Variants in ZNF169 observed in about 807,000 individuals in gnomAD.
ZNF169 encodes zinc finger protein 169.
A neutral mutation model predicts 12.0 loss-of-function variants in ZNF169; 11 were observed. That is an observed-to-expected ratio of 0.92 (90% CI 0.58 to 1.52). ZNF169 has a LOEUF of 1.52. ZNF169 is among the 40% of genes most tolerant of loss of function. The probability of loss-of-function intolerance (pLI) is 0.00; values close to 1 mark genes in which losing one functional copy is unlikely to be tolerated. For synonymous variants in ZNF169, 302 were observed against 286.5 expected (o/e 1.05, Z -0.55); for missense variants, 722 against 744.0 (o/e 0.97, Z 0.34).
intron 1 of ZNF169, among the ~76,000 whole-genome samples, chr9:94,265,579 CAA>C (rs58394124): frequency 5.1e-4 from 63 of 123,676 alleles, no homozygotes; most frequent in Admixed American, 6.4e-4. Flanking sequence ...GACTCTGTCT[CAA>C]AAAAAAAAAA....
intron 1 of ZNF169, among the ~76,000 whole-genome samples, chr9:94,270,718 AAT>A (rs1301930474): frequency 2.9e-5 from 1 of 34,070 alleles, no homozygotes; most frequent in African/African-American, 6.3e-5. Flanking sequence ...TATAATATAT[AAT>A]ATTATATATT....
chr9:94,288,361 C>T, intron 2 of ZNF169: 1 of 1,165,988 alleles, frequency 8.6e-7, no homozygotes. Flanking sequence ...ATATTCAGTC[C>T]ATCTGTACTT....
At chr9:94,296,317 T>TC (rs1477287747) in intron 4 of ZNF169, among the ~76,000 whole-genome samples, 1 of 152,216 alleles carries the variant, frequency 6.6e-6, no homozygotes, top group African/African-American at 2.4e-5. Flanking sequence ...TTCTGTGGTT[T>TC]ACTTTCTATA....
At chr9:94,282,529 C>T (rs1043733407) in intron 2 of ZNF169, among the ~76,000 whole-genome samples, 7 of 152,138 alleles carry the variant, frequency 4.6e-5, no homozygotes, top group African/African-American at 1.4e-4. Context: ...TTCTGATTAG[C>T]CTCTCCAAAG....
intron 3 of ZNF169, 167 bp downstream of exon 3, chr9:94,292,634 T>TGC (rs1830867102): frequency 1.2e-6 from 1 of 839,022 alleles, no homozygotes; most frequent in Non-Finnish European, 1.8e-6. Flanking sequence ...TGTGTGTGTG[T>TGC]GTGTGTGCGC....
chr9:94,293,223 ACT>A, intron 4 of ZNF169, 154 bp downstream of exon 4: 1 of 701,384 alleles, frequency 1.4e-6, no homozygotes, highest in Admixed American at 2.2e-5. Flanking sequence ...TGCCTTCCAC[ACT>A]GTGTGCCTCC....
At chr9:94,299,550 C>T (rs762788410) in intron 4 of ZNF169, 54 of 1,335,918 alleles carry the variant, frequency 4.0e-5, no homozygotes, top group South Asian at 7.1e-5. Context: ...AAGGGAGCGG[C>T]GCCCAAGAAA....
At chr9:94,278,404 G>A (rs998081334) in intron 1 of ZNF169, among the ~76,000 whole-genome samples, 21 of 152,154 alleles carry the variant, frequency 1.4e-4, no homozygotes, top group African/African-American at 4.6e-4. Context: ...AGTAAATATG[G>A]ATGGGATGCT....
intron 3 of ZNF169, 140 bp downstream of exon 3, chr9:94,292,607 TTGTG>T (rs138361295): frequency 0.031 from 20,837 of 674,984 alleles, 123 homozygotes; most frequent in African/African-American, 0.051. Flanking sequence ...CACAGTGCAG[TTGTG>T]TGTGTGTGTG....
chr9:94,270,762 T>TTATATA (rs1830386379), intron 1 of ZNF169, among the ~76,000 whole-genome samples: 1 of 50,854 alleles, frequency 2.0e-5, no homozygotes, highest in Non-Finnish European at 4.7e-5. Flanking sequence ...AATATATAAA[T>TTATATA]ATATATGTTA....
intron 1 of ZNF169, among the ~76,000 whole-genome samples, chr9:94,275,600 C>G (rs548401499): frequency 2.0e-5 from 3 of 152,138 alleles, no homozygotes; most frequent in Non-Finnish European, 4.4e-5. Context: ...GTCTATTTCT[C>G]TTTCTCCTAT....
intron 2 of ZNF169, among the ~76,000 whole-genome samples, chr9:94,290,901 A>T (rs543750122): frequency 6.6e-6 from 1 of 152,078 alleles, no homozygotes; most frequent in Non-Finnish European, 1.5e-5. Context: ...GAAAGTTTCC[A>T]ATTTCTCCAT....
At chr9:94,294,839 C>T (rs1191985236) in intron 4 of ZNF169, 1 of 152,110 alleles carries the variant, frequency 6.6e-6, no homozygotes, top group Non-Finnish European at 1.5e-5. Context: ...ACATTTAGGT[C>T]TTTAACTGGA....
Position 94,292,957 on chromosome 9 carries a change from T to C in ZNF169, c.161-17T>C. 1 of 1,597,646 alleles carries C rather than the reference T, an allele frequency of 6.3e-7. No individual in the cohort carries two copies. Among genetic ancestry groups the C allele is most frequent in the South Asian group, 1.1e-5 (1 of 89,078 alleles). On this transcript the variant is annotated splice_polypyrimidine_tract_variant and intron_variant, in intron 3 of 4. Transcript: ENST00000395395. ...CACTAACTCAAGATCACCTTGGTTTTTTTTTCCTGTGAGTAGGAATTGCAT... is the reference window on the plus strand; with the variant it reads ...CACTAACTCAAGATCACCTTGGTTTCTTTTTCCTGTGAGTAGGAATTGCAT...
At chr9:94,278,713 GT>G (rs938532069) in intron 1 of ZNF169, 44 bp from the exon 2 acceptor site, 3 of 1,124,620 alleles carry the variant, frequency 2.7e-6, no homozygotes, top group Non-Finnish European at 4.0e-6. Flanking sequence ...AGTGTGAAGG[GT>G]GTTCTTCCCA....
chr9:94,261,202 T>G (rs926126301), intron 1 of ZNF169, among the ~76,000 whole-genome samples: 3 of 152,042 alleles, frequency 2.0e-5, no homozygotes, highest in Non-Finnish European at 4.4e-5. Context: ...CTACCACACC[T>G]GGCTAATTTT....
rs145151490 is a variant in ZNF169, at chr9:94,300,447, C to T, written c.889C>T (p.Arg297Ter). The T allele has an allele frequency of 1.8e-5, 29 of 1,613,710 alleles. No homozygotes were observed. Among genetic ancestry groups the T allele is most frequent in the East Asian group, 8.9e-5 (4 of 44,850 alleles). Residue 297 changes from arginine to a stop codon, truncating the protein, a stop_gained, in exon 5 of 5, where the codon CGA becomes TGA. Transcript: ENST00000395395. LOFTEE classifies it low-confidence loss of function (END_TRUNC). ...EKPYVCRECG[R>*]HFRYTSSLTN... is the part of the protein sequence containing the mutation. ...GCCGTATGTGTGCAGGGAATGTGGG[C>T]GACACTTCAGGTATACATCCTCTCT...
Position 94,301,273 on chromosome 9 carries a change from G to A in ZNF169, c.1715G>A (p.Cys572Tyr), listed in dbSNP as rs1456888607. 3 of 1,614,214 alleles carry A rather than the reference G, an allele frequency of 1.9e-6. No individual in the cohort carries two copies. Among genetic ancestry groups the A allele is most frequent in the Non-Finnish European group, 2.5e-6 (3 of 1,180,026 alleles). Residue 572 changes from cysteine to tyrosine, a missense_variant, in exon 5 of 5, where the codon TGC (cysteine) becomes TAC (tyrosine). Physicochemically the swap from Cys to Tyr is radical, Grantham distance 194. Transcript: ENST00000395395. Reference protein sequence around the residue: ...RTHSGEKPYVCRECGRGFSQK... With the variant: ...RTHSGEKPYVYRECGRGFSQK... The stretch of plus-strand genomic sequence containing the variant: ...CATTCTGGGGAGAAGCCGTATGTCT[G>A]CAGGGAGTGTGGGCGTGGCTTTAGC...
chr9:94,272,701 C>T (rs1050460251), intron 1 of ZNF169, among the ~76,000 whole-genome samples: 9 of 152,126 alleles, frequency 5.9e-5, no homozygotes. Context: ...ATGGATACAT[C>T]TGCTTCCAAT....
Sources: allele counts gnomAD v4.1 joint callset (sites outside exome capture counted in the v4.1 genomes callset), GRCh38; gene constraint gnomAD v4.1.1; transcripts MANE v1.5; gene names NCBI Gene and HGNC (gene_info 2026-07-23, HGNC 2026-07-21).